RIBC2: variants seen among roughly 807,000 people sequenced by gnomAD.
RIBC2 encodes RIB43A-like with coiled-coils protein 2.
RIBC2 carries 40 observed loss-of-function variants against 44.3 expected under a neutral mutation model. The observed-to-expected ratio is 0.90, with a 90% CI of 0.70 to 1.18. The LOEUF is 1.18. Among genes scored for constraint, RIBC2 ranks in the 50% most tolerant of loss-of-function variants. The pLI is 0.00. For synonymous variants in RIBC2, 171 were observed against 175.0 expected, an observed-to-expected ratio of 0.98 and a Z score of 0.18; for missense variants, 459 against 485.5, an observed-to-expected ratio of 0.95 and a Z score of 0.51.
chr22:45,414,086 G>A lies in RIBC2; in HGVS notation c.129+71G>A, dbSNP rs116404814. On this transcript the variant is annotated intron_variant, in intron 1 of 6. Coordinates refer to ENST00000614167, the MANE Select transcript of RIBC2 (RefSeq NM_015653.5). ...CGAGGGGCTGCGTGGAGGGGGAAAG[G>A]AGATGAGTTCTAGGATGAAACATCT... 7.0e-5 allele frequency: 107 copies of A among 1,536,724 alleles called. No individual in the cohort carries two copies. In the African/African-American group the frequency reaches 1.4e-3, roughly 20 times the overall value.
intron 4 of RIBC2, among the ~76,000 whole-genome samples, chr22:45,424,793 G>A (rs961816933): frequency 9.1e-6 from 1 of 109,842 alleles, no homozygotes; most frequent in Admixed American, 1.2e-4. Context: ...TTGTTCTCTT[G>A]CCCAGCCTGG....
intron 3 of RIBC2, among the ~76,000 whole-genome samples, chr22:45,421,675 G>T (rs1289661687): frequency 1.3e-5 from 2 of 151,400 alleles, no homozygotes; most frequent in African/African-American, 4.9e-5. Context: ...GCTCAGCAAG[G>T]CTAAGTAATA....
intron 3 of RIBC2, among the ~76,000 whole-genome samples, chr22:45,419,262 C>T (rs1273378490): frequency 6.6e-6 from 1 of 151,968 alleles, no homozygotes; most frequent in East Asian, 1.9e-4. Flanking sequence ...TTGTCAAGAT[C>T]AGCACGAGTC....
At chr22:45,419,918 C>T (rs955666910) in intron 3 of RIBC2, among the ~76,000 whole-genome samples, 8 of 151,964 alleles carry the variant, frequency 5.3e-5, no homozygotes, top group Admixed American at 1.3e-4. Flanking sequence ...CCCAGCTACT[C>T]GGGAGGCTGA....
At chr22:45,418,060 T>C in intron 3 of RIBC2, 114 bp downstream of exon 3, 1 of 741,180 alleles carries the variant, frequency 1.3e-6, no homozygotes, top group South Asian at 2.2e-5. Context: ...TAAGCAACCC[T>C]ACAGTTTTTG....
At chr22:45,422,462 C>G in intron 4 of RIBC2, 54 bp downstream of exon 4, 2 of 1,270,986 alleles carry the variant, frequency 1.6e-6, no homozygotes, top group Non-Finnish European at 2.3e-6. Flanking sequence ...GATGAGCCCA[C>G]TACGGCTTCC....
intron 4 of RIBC2, among the ~76,000 whole-genome samples, chr22:45,424,367 AG>A (rs2087513992): frequency 7.6e-6 from 1 of 130,962 alleles, no homozygotes; most frequent in African/African-American, 3.4e-5. Flanking sequence ...TGTGGCACGC[AG>A]GCTCTGGAGC....
Position 45,425,977 on chromosome 22 carries a change from A to G in RIBC2, c.705A>G (p.Gln235=), listed in dbSNP as rs772927650. 2 of 1,613,982 alleles carry G rather than the reference A, an allele frequency of 1.2e-6. No homozygotes were observed. The highest frequency in any genetic ancestry group is 1.7e-6 in the Non-Finnish European group (2 of 1,179,956). The change falls in exon 5 of 7, where the codon CAA becomes CAG. Residue 235 remains glutamine (Q), a synonymous_variant. Coordinates refer to ENST00000614167, the MANE Select transcript of RIBC2 (RefSeq NM_015653.5). ...TCGAGTCAGTGGAAAGGAAAAAGCA[A>G]GAGAAAAAGCAAGAACAAGAGGACA... ...QAIESVERKK[Q]EKKQEQEDNL... is the part of the protein sequence containing the mutation.
In RIBC2 at chr22:45,425,956, G is replaced by T. The variant is rs528308431; in HGVS notation, c.684G>T (p.Glu228Asp). The T allele has an allele frequency of 6.2e-7, 1 of 1,613,498 alleles. No individual in the cohort carries two copies. The highest frequency in any genetic ancestry group is 1.3e-5 in the African/African-American group (1 of 75,018). Residue 228 changes from glutamate to aspartate, a missense_variant, in exon 5 of 7, where the codon GAG becomes GAT. Glu to Asp is a conservative substitution (Grantham distance 45, BLOSUM62 2). Coordinates refer to ENST00000614167, the MANE Select transcript of RIBC2 (RefSeq NM_015653.5). ...TGTCTTCACCTGCTTAGGCCATCGAGTCAGTGGAAAGGAAAAAGCAAGAGA... is the reference window on the plus strand; with the variant it reads ...TGTCTTCACCTGCTTAGGCCATCGATTCAGTGGAAAGGAAAAAGCAAGAGA... The part of the protein sequence containing the change: ...VKDFNKSQAI[E>D]SVERKKQEKK...
chr22:45,432,334 T>G lies in RIBC2; in HGVS notation c.1121T>G (p.Phe374Cys). 6.2e-7 allele frequency: 1 copy of G among 1,601,064 alleles called. No individual in the cohort carries two copies. The highest frequency in any genetic ancestry group is 8.6e-7 in the Non-Finnish European group (1 of 1,169,228). The change falls in exon 7 of 7, where the codon TTC (phenylalanine) becomes TGC (cysteine). Residue 374 changes from phenylalanine (F) to cysteine (C), a missense_variant. Transcript: ENST00000614167. ...VYTNQPTGDY[F>C]TQFNTGSR ...ACAAATCAACCCACGGGAGACTATT[T>G]CACACAATTTAATACAGGAAGTCGA... is the stretch of plus-strand genomic sequence containing the variant.
At chr22:45,428,338 T>C (rs1049622718) in intron 5 of RIBC2, among the ~76,000 whole-genome samples, 1 of 151,768 alleles carries the variant, frequency 6.6e-6, no homozygotes, top group Non-Finnish European at 1.5e-5. Flanking sequence ...AGAAATGGAG[T>C]AGGAGCTGGT....
chr22:45,428,779 G>A (rs56265324), intron 5 of RIBC2, among the ~76,000 whole-genome samples: 4 of 152,202 alleles, frequency 2.6e-5, no homozygotes, highest in Non-Finnish European at 5.9e-5. Context: ...AGGATGGTCA[G>A]ACAGTGCCCA....
chr22:45,424,250 TC>T (rs1484926072), intron 4 of RIBC2, among the ~76,000 whole-genome samples: 2 of 152,076 alleles, frequency 1.3e-5, no homozygotes. Context: ...GGGATGTTAA[TC>T]CAAAGCCCAA....
intron 2 of RIBC2, among the ~76,000 whole-genome samples, chr22:45,415,329 CAGA>C (rs990829186): frequency 1.6e-4 from 24 of 151,536 alleles, no homozygotes; most frequent in Non-Finnish European, 3.2e-4. Flanking sequence ...AAAATATGCT[CAGA>C]AGAAGAAGAG....
At chr22:45,422,259 G>A (rs572104102) in intron 3 of RIBC2, 31 bp from the exon 4 acceptor site, 2 of 1,552,794 alleles carry the variant, frequency 1.3e-6, no homozygotes, top group Admixed American at 1.7e-5. Context: ...CTGTGGCCAG[G>A]TCGATCTGAT....
intron 4 of RIBC2, among the ~76,000 whole-genome samples, chr22:45,423,235 A>C (rs1432443724): frequency 6.6e-6 from 1 of 152,024 alleles, no homozygotes; most frequent in African/African-American, 2.4e-5. Context: ...CTCCCGCCTC[A>C]GCCTCCCAAA....
At chr22:45,419,303 CCTT>C (rs2087455320) in intron 3 of RIBC2, among the ~76,000 whole-genome samples, 1 of 152,018 alleles carries the variant, frequency 6.6e-6, no homozygotes, top group South Asian at 2.1e-4. Context: ...GCAGACCTGA[CCTT>C]CTACCCACAT....
intron 1 of RIBC2, 67 bp downstream of exon 1, chr22:45,414,082 A>G (rs1602108536): frequency 2.0e-6 from 3 of 1,537,278 alleles, no homozygotes; most frequent in Non-Finnish European, 2.6e-6. Flanking sequence ...GTGGAGGGGG[A>G]AAGGAGATGA....
At chr22:45,414,433 G>A (rs1356588692) in intron 2 of RIBC2, 30 bp downstream of exon 2, 1 of 1,476,380 alleles carries the variant, frequency 6.8e-7, no homozygotes, top group Admixed American at 2.1e-5. Context: ...TTATCTATTG[G>A]TTTAGGATTG....
Sources: allele counts gnomAD v4.1 joint callset (sites outside exome capture counted in the v4.1 genomes callset), GRCh38; gene constraint gnomAD v4.1.1; transcripts MANE v1.5; gene names NCBI Gene and HGNC (gene_info 2026-07-23, HGNC 2026-07-21).